TGFA: variants seen among roughly 807,000 people sequenced by gnomAD.
TGFA encodes the protein transforming growth factor alpha.
Under a neutral mutation model 21.7 loss-of-function variants are expected in TGFA, and 12 were observed. The ratio of observed to expected loss-of-function variants is 0.55; its 90% CI spans 0.35 to 0.90. TGFA has a LOEUF of 0.90. TGFA is among the 40% of genes least tolerant of loss of function. The probability of loss-of-function intolerance (pLI) is 0.01; values close to 1 mark genes in which losing one functional copy is unlikely to be tolerated. For synonymous variants in TGFA, 79 were observed against 88.1 expected, an observed-to-expected ratio of 0.90 and a Z score of 0.58; for missense variants, 178 against 210.8, an observed-to-expected ratio of 0.84 and a Z score of 0.96.
At chr2:70,512,920 G>A (rs139359093) in intron 2 of TGFA, among the ~76,000 whole-genome samples, 3 of 152,340 alleles carry the variant, frequency 2.0e-5, no homozygotes, top group East Asian at 3.9e-4. Context: ...GTCTTAGAGT[G>A]TGAATCAGGA....
At chr2:70,452,937 C>T (rs782519626) in intron 5 of TGFA, among the ~76,000 whole-genome samples, 4 of 151,946 alleles carry the variant, frequency 2.6e-5, no homozygotes, top group Admixed American at 1.3e-4. Flanking sequence ...AGTAAGACTC[C>T]GTCTCAAAAA....
chr2:70,511,181 G>C (rs527347360), intron 2 of TGFA, among the ~76,000 whole-genome samples: 1 of 152,236 alleles, frequency 6.6e-6, no homozygotes, highest in African/African-American at 2.4e-5. Flanking sequence ...AACCTATCTT[G>C]CATCCGTTAT....
chr2:70,549,919 A>C (rs1673435041), intron 1 of TGFA, among the ~76,000 whole-genome samples: 2 of 152,246 alleles, frequency 1.3e-5, no homozygotes, highest in Non-Finnish European at 2.9e-5. Context: ...TTCCATATAC[A>C]GCTTTACAGC....
intron 2 of TGFA, among the ~76,000 whole-genome samples, chr2:70,500,080 C>T (rs1671690255): frequency 6.6e-6 from 1 of 152,146 alleles, no homozygotes; most frequent in African/African-American, 2.4e-5. Flanking sequence ...TGTACTAAGT[C>T]TTCACTATAT....
intron 1 of TGFA, among the ~76,000 whole-genome samples, chr2:70,520,384 G>A (rs1299044381): frequency 1.4e-5 from 2 of 146,642 alleles, no homozygotes; most frequent in African/African-American, 2.6e-5. Flanking sequence ...GTGTGGTGGT[G>A]GGCATCTGTA....
chr2:70,548,974 A>T (rs1339613191), intron 1 of TGFA, among the ~76,000 whole-genome samples: 2 of 152,208 alleles, frequency 1.3e-5, no homozygotes, highest in African/African-American at 4.8e-5. Flanking sequence ...AAGCCACCAT[A>T]AAAGTCTCCC....
At chr2:70,477,528 A>C (rs1345152304) in intron 2 of TGFA, among the ~76,000 whole-genome samples, 1 of 152,224 alleles carries the variant, frequency 6.6e-6, no homozygotes, top group African/African-American at 2.4e-5. Flanking sequence ...CTAAATCCAA[A>C]GTCCTTTTTC....
At chr2:70,492,813 C>G (rs1419936420) in intron 2 of TGFA, among the ~76,000 whole-genome samples, 2 of 152,088 alleles carry the variant, frequency 1.3e-5, no homozygotes, top group Non-Finnish European at 2.9e-5. Flanking sequence ...TCTTAATCAC[C>G]AATTGTGCTT....
intron 1 of TGFA, among the ~76,000 whole-genome samples, chr2:70,552,906 T>C (rs544032867): frequency 1.3e-5 from 2 of 152,318 alleles, no homozygotes; most frequent in South Asian, 2.1e-4. Flanking sequence ...GGGGCAAGAA[T>C]TGGCCAGGAG....
chr2:70,527,172 A>G (rs1377159491), intron 1 of TGFA, among the ~76,000 whole-genome samples: 2 of 152,278 alleles, frequency 1.3e-5, no homozygotes, highest in African/African-American at 4.8e-5. Context: ...AGCTTTAATC[A>G]TAACTGTGAA....
At chr2:70,537,672 T>A (rs565318555) in intron 1 of TGFA, among the ~76,000 whole-genome samples, 8 of 152,274 alleles carry the variant, frequency 5.3e-5, no homozygotes, top group African/African-American at 1.9e-4. Flanking sequence ...GTTCTTTGAT[T>A]CTGAGAGAGG....
intron 2 of TGFA, among the ~76,000 whole-genome samples, chr2:70,482,130 CCTTT>C (rs1671143056): frequency 1.3e-5 from 2 of 151,008 alleles, no homozygotes; most frequent in African/African-American, 4.9e-5. Flanking sequence ...TTTTTTAGTG[CCTTT>C]CTTAAAATAG....
intron 1 of TGFA, among the ~76,000 whole-genome samples, chr2:70,521,609 G>GTTGTTTTTTTTTTTTT (rs1432347684): frequency 7.6e-5 from 6 of 78,890 alleles, no homozygotes; most frequent in Middle Eastern, 6.4e-3. Context: ...TTTTGTTGTT[G>GTTGTTTTTTTTTTTTT]TTTGTTTGTT....
At chr2:70,467,099 A>G (rs1553492434) in intron 2 of TGFA, among the ~76,000 whole-genome samples, 1 of 152,038 alleles carries the variant, frequency 6.6e-6, no homozygotes, top group African/African-American at 2.4e-5. Flanking sequence ...TGGGCTTAAT[A>G]CCTAGGTGAT....
chr2:70,509,738 T>C (rs1465600320), intron 2 of TGFA, among the ~76,000 whole-genome samples: 1 of 152,100 alleles, frequency 6.6e-6, no homozygotes, highest in Non-Finnish European at 1.5e-5. Flanking sequence ...GGCGCCTGAG[T>C]AATGCCCTCA....
intron 5 of TGFA, chr2:70,451,827 C>T (rs1559094644): frequency 3.0e-6 from 2 of 674,832 alleles, no homozygotes; most frequent in Non-Finnish European, 5.3e-6. Context: ...CCACTGATTC[C>T]CAGTGGGACC....
rs374603639 is a variant in TGFA at position 70,528,519 on chromosome 2, G to A, written c.41-13607C>T. ...GGGGAGGGAAGGGTAGAACGATGTG[G>A]GGGGCGGGTGGGTCTTCCAGAGAAG... On this transcript the variant is annotated intron_variant, in intron 1 of 5. Transcript: ENST00000295400. Among the ~76,000 whole-genome samples, 45 of 151,854 alleles carry A rather than the reference G, an allele frequency of 3.0e-4. No homozygotes were observed. In the South Asian group the frequency reaches 9.2e-3, roughly 31 times the overall value.
chr2:70,492,127 A>G (rs1280101686), intron 2 of TGFA, among the ~76,000 whole-genome samples: 1 of 152,188 alleles, frequency 6.6e-6, no homozygotes, highest in African/African-American at 2.4e-5. Flanking sequence ...TCAAGAAGGG[A>G]AGAAATGGTG....
intron 3 of TGFA, 114 bp downstream of exon 3, chr2:70,465,502 T>C (rs1670528332): frequency 3.7e-6 from 5 of 1,355,382 alleles, no homozygotes; most frequent in Non-Finnish European, 4.0e-6. Flanking sequence ...CTCTGACACA[T>C]CTGGCTCCAG....
Sources: allele counts gnomAD v4.1 joint callset (sites outside exome capture counted in the v4.1 genomes callset), GRCh38; gene constraint gnomAD v4.1.1; transcripts MANE v1.5; gene names NCBI Gene and HGNC (gene_info 2026-07-23, HGNC 2026-07-21).